The following SLC15A2 variants were observed in gnomAD, a reference collection of about 807,000 sequenced individuals.
The protein encoded by SLC15A2 is kidney H(+)/peptide cotransporter.
Under a neutral mutation model 95.5 loss-of-function variants are expected in SLC15A2, and 77 were observed. The observed-to-expected ratio is 0.81, with a 90% CI of 0.67 to 0.97. The LOEUF (loss-of-function observed/expected upper bound fraction) is 0.97. SLC15A2 is among the 50% of genes least tolerant of loss of function. SLC15A2 has a pLI of 0.00. For missense variants in SLC15A2, 893 were observed against 874.4 expected (o/e 1.02, Z -0.27); for synonymous variants, 306 against 306.9 (o/e 1.00, Z 0.03).
chr3:121,907,538 G>C (rs1267455758), intron 3 of SLC15A2, among the ~76,000 whole-genome samples: 1 of 152,148 alleles, frequency 6.6e-6, no homozygotes, highest in African/African-American at 2.4e-5. Context: ...TGGGGTTTTG[G>C]TGTGGATGTC....
chr3:121,906,814 G>A (rs920688157), intron 3 of SLC15A2, among the ~76,000 whole-genome samples: 1 of 152,050 alleles, frequency 6.6e-6, no homozygotes, highest in Admixed American at 6.5e-5. Flanking sequence ...TTTCAACTTT[G>A]GTGAATCTGA....
intron 13 of SLC15A2, among the ~76,000 whole-genome samples, chr3:121,926,804 G>A (rs1710131368): frequency 1.3e-5 from 2 of 152,246 alleles, no homozygotes; most frequent in Admixed American, 6.5e-5. Context: ...ACCTGTGAGA[G>A]CAGCCACAGG....
intron 3 of SLC15A2, among the ~76,000 whole-genome samples, chr3:121,901,672 CCCTT>C (rs1709522946): frequency 6.6e-6 from 1 of 151,848 alleles, no homozygotes; most frequent in African/African-American, 2.4e-5. Flanking sequence ...TTTAAAACTA[CCCTT>C]CCTTAAGTTG....
chr3:121,927,197 A>C (rs1041097529), intron 13 of SLC15A2, among the ~76,000 whole-genome samples: 2 of 152,180 alleles, frequency 1.3e-5, no homozygotes, highest in African/African-American at 4.8e-5. Context: ...GGGAAGATAT[A>C]ATTGTATTTT....
intron 7 of SLC15A2, among the ~76,000 whole-genome samples, chr3:121,920,315 G>T (rs1257892973): frequency 6.6e-6 from 1 of 151,544 alleles, no homozygotes; most frequent in African/African-American, 2.4e-5. Flanking sequence ...ACTTTTTTTG[G>T]AGACATAGTC....
chr3:121,912,941 TCCCC>T, intron 4 of SLC15A2, 76 bp from the exon 5 acceptor site: 1 of 935,852 alleles, frequency 1.1e-6, no homozygotes, highest in South Asian at 1.6e-5. Context: ...ACACATTTTT[TCCCC>T]TCTGCAGCTC....
intron 3 of SLC15A2, among the ~76,000 whole-genome samples, chr3:121,907,761 A>AC (rs1321996298): frequency 1.3e-5 from 2 of 152,104 alleles, no homozygotes; most frequent in Non-Finnish European, 2.9e-5. Context: ...TCCCAGAGGG[A>AC]CACCCGCCTG....
Position 121,896,441 on chromosome 3 carries a change from C to T in SLC15A2, c.141C>T (p.Ala47=), listed in dbSNP as rs1143669. 1.4e-5 allele frequency: 23 copies of T among 1,614,124 alleles called. No homozygotes were observed. In the Admixed American group the frequency reaches 1.8e-4, roughly 13 times the overall value. ...GCTCCAACTATCCACTGAGCATTGCCTTCATTGTGGTGAATGAATTCTGCG... is the reference window on the plus strand; with the variant it reads ...GCTCCAACTATCCACTGAGCATTGCTTTCATTGTGGTGAATGAATTCTGCG... ...ICGSNYPLSI[A]FIVVNEFCER... Residue 47 remains alanine (A), a synonymous_variant, in exon 2 of 22, where the codon GCC becomes GCT. Coordinates refer to ENST00000489711, the MANE Select transcript of SLC15A2 (RefSeq NM_021082.4).
intron 13 of SLC15A2, among the ~76,000 whole-genome samples, chr3:121,925,915 T>G (rs1368703284): frequency 6.6e-6 from 1 of 151,244 alleles, no homozygotes; most frequent in Non-Finnish European, 1.5e-5. Flanking sequence ...AGGTAAAGCA[T>G]GTACAGCACT....
intron 5 of SLC15A2, chr3:121,914,857 C>CAAAAAAAAAAAAAAAAACAAAAAAAA: frequency 6.4e-6 from 1 of 156,168 alleles, no homozygotes; most frequent in Non-Finnish European, 9.4e-6. Context: ...GACTCCATCT[C>CAAAAAAAAAAAAAAAAACAAAAAAAA]AAAAAAAAAA....
At chr3:121,919,795 T>C (rs1024516672) in intron 7 of SLC15A2, among the ~76,000 whole-genome samples, 1 of 152,174 alleles carries the variant, frequency 6.6e-6, no homozygotes, top group Admixed American at 6.5e-5. Flanking sequence ...AGAGAGGATA[T>C]TGAGCATGTG....
intron 3 of SLC15A2, among the ~76,000 whole-genome samples, chr3:121,903,787 T>C (rs1162907546): frequency 6.6e-6 from 1 of 152,250 alleles, no homozygotes; most frequent in Non-Finnish European, 1.5e-5. Flanking sequence ...GGTAGCCTGA[T>C]GCCTCCAGCT....
At chr3:121,927,709 C>A (rs1211285156) in intron 13 of SLC15A2, 49 bp from the exon 14 acceptor site, 1 of 1,401,472 alleles carries the variant, frequency 7.1e-7, no homozygotes, top group East Asian at 2.3e-5. Flanking sequence ...TGGATTTCAT[C>A]CTTTAGAGTC....
chr3:121,907,281 G>T (rs566825633), intron 3 of SLC15A2, among the ~76,000 whole-genome samples: 1 of 152,222 alleles, frequency 6.6e-6, no homozygotes, highest in Admixed American at 6.5e-5. Context: ...TAGCTTCCTT[G>T]TAATGGGTTC....
In SLC15A2 at chr3:121,924,978, C is replaced by T. The variant is rs1710085614; in HGVS notation, c.1069C>T (p.Pro357Ser). Residue 357 changes from proline (P) to serine (S), a missense_variant, in exon 13 of 22, where the codon CCG (proline) becomes TCG (serine). Pro to Ser is a moderately conservative substitution (Grantham distance 74). Coordinates refer to ENST00000489711, the MANE Select transcript of SLC15A2 (RefSeq NM_021082.4). ...TCCCCTTCTGGTTCTTATCTTCATC[C>T]CGTTGTTTGACTTTGTCATTTATCG... ...LNPLLVLIFI[P>S]LFDFVIYRLV... 6.2e-7 allele frequency: 1 copy of T among 1,612,972 alleles called. No homozygotes were observed. The highest frequency in any genetic ancestry group is 1.1e-5 in the South Asian group (1 of 91,058).
chr3:121,933,537 T>G (rs1277914947), intron 19 of SLC15A2, among the ~76,000 whole-genome samples: 1 of 151,986 alleles, frequency 6.6e-6, no homozygotes, highest in East Asian at 1.9e-4. Flanking sequence ...TTTTCACGTG[T>G]TTTTTGGCTG....
At chr3:121,901,116 C>G (rs1709511815) in intron 3 of SLC15A2, among the ~76,000 whole-genome samples, 1 of 151,920 alleles carries the variant, frequency 6.6e-6, no homozygotes, top group Non-Finnish European at 1.5e-5. Context: ...CCTCCCAGGT[C>G]CAAGCGATTC....
In SLC15A2 at chr3:121,928,531, G is replaced by A. The variant is rs1710167288; in HGVS notation, c.1317G>A (p.Leu439=). The change falls in exon 15 of 22, where the codon TTG becomes TTA. Residue 439 remains leucine (L), a synonymous_variant. Transcript: ENST00000489711. ...TVVGNENNSL[L]IESIKSFQKT... is the part of the protein sequence containing the mutation. ...TGGGAAATGAAAACAATTCTCTGTTGATAGAGTCCATCAAATCCTTTCAGG... is the reference window on the plus strand; with the variant it reads ...TGGGAAATGAAAACAATTCTCTGTTAATAGAGTCCATCAAATCCTTTCAGG... The A allele has an allele frequency of 6.2e-7, 1 of 1,614,076 alleles. No homozygotes were observed. Among genetic ancestry groups the A allele is most frequent in the Non-Finnish European group, 8.5e-7 (1 of 1,179,952 alleles).
At chr3:121,918,453 G>T (rs528645050) in intron 7 of SLC15A2, among the ~76,000 whole-genome samples, 2 of 152,238 alleles carry the variant, frequency 1.3e-5, no homozygotes, top group South Asian at 4.1e-4. Flanking sequence ...TACAGGATTA[G>T]AGCTTAGAAG....
Sources: allele counts gnomAD v4.1 joint callset (sites outside exome capture counted in the v4.1 genomes callset), GRCh38; gene constraint gnomAD v4.1.1; transcripts MANE v1.5; gene names NCBI Gene and HGNC (gene_info 2026-07-23, HGNC 2026-07-21).